The following PPP6R2 variants were observed in gnomAD, a reference collection of about 807,000 sequenced individuals.
PPP6R2 encodes serine/threonine-protein phosphatase 6 regulatory subunit 2.
A neutral mutation model predicts 100.2 loss-of-function variants in PPP6R2; 62 were observed. The observed-to-expected ratio is 0.62, with a 90% CI of 0.50 to 0.76. The LOEUF is 0.76. PPP6R2 is among the 30% of genes least tolerant of loss of function. The pLI is 0.00. For synonymous variants in PPP6R2, 525 were observed against 514.7 expected, an observed-to-expected ratio of 1.02 and a Z score of -0.27; for missense variants, 1,142 against 1,276.3, an observed-to-expected ratio of 0.89 and a Z score of 1.60.
intron 8 of PPP6R2, 48 bp from the exon 9 acceptor site, chr22:50,422,206 G>T (rs775603021): frequency 7.5e-6 from 12 of 1,589,404 alleles, no homozygotes. Context: ...GGTGAGGTTG[G>T]ACAGGGTCCT....
chr22:50,403,081 T>C (rs1049151447), intron 3 of PPP6R2, among the ~76,000 whole-genome samples: 2 of 152,034 alleles, frequency 1.3e-5, no homozygotes, highest in African/African-American at 4.8e-5. Flanking sequence ...AGCATGGTGG[T>C]GCATGCCTGT....
chr22:50,424,955 A>G (rs889495602), intron 10 of PPP6R2, among the ~76,000 whole-genome samples: 2 of 152,178 alleles, frequency 1.3e-5, no homozygotes, highest in South Asian at 2.1e-4. Flanking sequence ...TCCTTCTTCA[A>G]AAGAATTCTG....
intron 2 of PPP6R2, among the ~76,000 whole-genome samples, chr22:50,381,915 A>G (rs2053148198): frequency 6.6e-6 from 1 of 151,878 alleles, no homozygotes; most frequent in African/African-American, 2.4e-5. Flanking sequence ...CTCAAAAAAA[A>G]AAAAAAGAAA....
chr22:50,388,362 C>T (rs989764583), intron 2 of PPP6R2, among the ~76,000 whole-genome samples: 1 of 149,980 alleles, frequency 6.7e-6, no homozygotes, highest in Non-Finnish European at 1.5e-5. Flanking sequence ...CCACTACACT[C>T]CAGCCTTGGC....
chr22:50,420,911 C>T (rs922138177), intron 8 of PPP6R2, among the ~76,000 whole-genome samples: 5 of 152,230 alleles, frequency 3.3e-5, no homozygotes, highest in Non-Finnish European at 7.3e-5. Flanking sequence ...CAGGCTGGGA[C>T]GATGTCTAAC....
intron 10 of PPP6R2, among the ~76,000 whole-genome samples, chr22:50,428,653 G>A (rs1286115994): frequency 1.3e-5 from 2 of 152,022 alleles, no homozygotes; most frequent in Non-Finnish European, 2.9e-5. Context: ...GGAGGTCAGG[G>A]CTGCAGAGCC....
In PPP6R2 at chr22:50,438,181, C is replaced by T; in HGVS notation, c.1847C>T (p.Ala616Val). 1.9e-6 allele frequency: 3 copies of T among 1,612,748 alleles called. No individual in the cohort carries two copies. In the South Asian group the frequency reaches 3.3e-5, roughly 18 times the overall value. ...NIDADEDSPS[A>V]ALFEACCSDR... The stretch of plus-strand genomic sequence containing the variant: ...TGGCGTTTTACTCTGCAGCCCAGCG[C>T]AGCTCTGTTTGAGGCCTGCTGCAGT... The change falls in exon 18 of 24, where the codon GCA becomes GTA. Residue 616 changes from alanine (A) to valine (V), a missense_variant. By Grantham distance (64) the Ala-to-Val change is moderately conservative. This residue lies in a region of PPP6R2 where 550 missense variants were observed against 517.4 expected (regional missense o/e 1.06). Coordinates refer to ENST00000612753, the MANE Select transcript of PPP6R2 (RefSeq NM_001242898.2).
rs554667721 is a variant in PPP6R2, at chr22:50,368,689, T to A, written c.-147-3331T>A. Among the ~76,000 whole-genome samples the A allele has an allele frequency of 4.2e-4, 64 of 152,208 alleles. No individual in the cohort carries two copies. In the South Asian group the frequency reaches 8.7e-3, roughly 21 times the overall value. On this transcript the variant is annotated intron_variant, in intron 1 of 23. Coordinates refer to ENST00000612753, the MANE Select transcript of PPP6R2 (RefSeq NM_001242898.2). ...AGCTTGCCGCCCACAATACAAGGTCTCACTTTGTCACCCAGGCTGGAGTGC... is the reference window on the plus strand; with the variant it reads ...AGCTTGCCGCCCACAATACAAGGTCACACTTTGTCACCCAGGCTGGAGTGC...
At chr22:50,352,963 C>T (rs2045654036) in intron 1 of PPP6R2, among the ~76,000 whole-genome samples, 2 of 152,106 alleles carry the variant, frequency 1.3e-5, no homozygotes, top group Non-Finnish European at 2.9e-5. Context: ...ACTGGGGAGG[C>T]TGAGGTAGGA....
rs193253358 is a variant in PPP6R2, at chr22:50,388,461, G to A, written c.-16-5432G>A. On this transcript the variant is annotated intron_variant, in intron 2 of 23. Coordinates refer to ENST00000612753, the MANE Select transcript of PPP6R2 (RefSeq NM_001242898.2). ...CATGTCTGTAATTTTAGCACTTTGGGAGGCTGATGTGGGAGGGTTGCTTAA... is the reference window on the plus strand; with the variant it reads ...CATGTCTGTAATTTTAGCACTTTGGAAGGCTGATGTGGGAGGGTTGCTTAA... Among the ~76,000 whole-genome samples the A allele has an allele frequency of 2.2e-4, 34 of 152,118 alleles. No individual in the cohort carries two copies. The East Asian group carries it at 6.2e-3, about 28-fold the overall frequency.
chr22:50,392,664 G>T (rs1335555734), intron 2 of PPP6R2, among the ~76,000 whole-genome samples: 1 of 152,218 alleles, frequency 6.6e-6, no homozygotes. Context: ...CCCAGGAGCT[G>T]CCCAGAGGAC....
Position 50,431,451 on chromosome 22 carries a change from C to A in PPP6R2, c.1335+69C>A. ...CACTCAGACCGTGTCCATGTCAGCG[C>A]TGACGTGTGCCGGACCTCACTGTGC... On this transcript the variant is annotated intron_variant, in intron 11 of 23. Transcript: ENST00000612753. This position sits in a 1 kb window ranked among gnomAD's most constrained non-coding sequence, Gnocchi z 4.8. The A allele has an allele frequency of 7.1e-7, 1 of 1,408,264 alleles. No individual in the cohort carries two copies. Among genetic ancestry groups the A allele is most frequent in the South Asian group, 1.2e-5 (1 of 82,162 alleles). The allele number at this position is 1,408,264 out of a possible 1,614,324, so 87.2% of individuals were successfully genotyped here.
At chr22:50,330,933 G>A in the PPP6R2 span, among the ~76,000 whole-genome samples, 1 of 152,098 alleles carries the variant, frequency 6.6e-6, no homozygotes, top group Non-Finnish European at 1.5e-5. Flanking sequence ...CCCAGAGGAA[G>A]CCAACATCTG....
At chr22:50,417,277 G>A (rs2060670379) in intron 6 of PPP6R2, among the ~76,000 whole-genome samples, 1 of 152,076 alleles carries the variant, frequency 6.6e-6, no homozygotes, top group African/African-American at 2.4e-5. Flanking sequence ...AGCACACAAC[G>A]TGGAGCTGAG....
chr22:50,397,181 G>A (rs1402835812), intron 3 of PPP6R2, among the ~76,000 whole-genome samples: 1 of 152,138 alleles, frequency 6.6e-6, no homozygotes, highest in South Asian at 2.1e-4. Flanking sequence ...AGTAAGCAAA[G>A]ATGCCCTGAG....
intron 6 of PPP6R2, 67 bp downstream of exon 6, chr22:50,416,224 G>A (rs760514422): frequency 7.0e-7 from 1 of 1,432,476 alleles, no homozygotes; most frequent in Non-Finnish European, 9.8e-7. Context: ...ACCCACTGCT[G>A]CGGGCCAGGG....
Position 50,438,496 on chromosome 22 carries a change from C to T in PPP6R2, c.1965-103C>T, listed in dbSNP as rs73441459. 2,754 of 1,459,762 alleles carry T rather than the reference C, an allele frequency of 1.9e-3. 53 individuals carry two copies. The African/African-American group carries it at 0.036, about 19-fold the overall frequency. The allele number at this position is 1,459,762 out of a possible 1,614,324, so 90.4% of individuals were successfully genotyped here. ...AGCGTCTCGTGCTCCTCTCTCGAGA[C>T]GATCTGTGCTCACCCTCAGCCCCGA... On this transcript the variant is annotated intron_variant, in intron 18 of 23. Coordinates refer to ENST00000612753, the MANE Select transcript of PPP6R2 (RefSeq NM_001242898.2).
At chr22:50,365,538 G>T (rs545083367) in intron 1 of PPP6R2, among the ~76,000 whole-genome samples, 1 of 151,820 alleles carries the variant, frequency 6.6e-6, no homozygotes, top group African/African-American at 2.4e-5. Context: ...AATTAGCCCG[G>T]CGTGGTGGCG....
chr22:50,367,663 A>G (rs2049034315), intron 1 of PPP6R2, among the ~76,000 whole-genome samples: 1 of 152,240 alleles, frequency 6.6e-6, no homozygotes, highest in African/African-American at 2.4e-5. Flanking sequence ...TTACAGTCCA[A>G]TTAGATGCTG....
Sources: gnomAD v4.1 joint callset for allele counts (sites outside exome capture counted in the v4.1 genomes callset) on GRCh38, gnomAD v4.1.1 for gene constraint, gnomAD v4.1.1 regional missense constraint, Gnocchi (gnomAD v3.1) non-coding constraint, MANE v1.5 for transcripts, NCBI Gene and HGNC (gene_info 2026-07-23, HGNC 2026-07-21) for gene names.